The following FAM20C variants were observed in gnomAD, a reference collection of about 807,000 sequenced individuals.
FAM20C encodes FAM20C golgi associated secretory pathway kinase.
Under a neutral mutation model 51.5 loss-of-function variants are expected in FAM20C, and 40 were observed. The ratio of observed to expected loss-of-function variants is 0.78; its 90% CI spans 0.60 to 1.01. The LOEUF is 1.01. Among genes scored for constraint, FAM20C ranks in the 50% least tolerant of loss-of-function variants. The probability of loss-of-function intolerance (pLI) is 0.00; values close to 1 mark genes in which losing one functional copy is unlikely to be tolerated. For missense variants in FAM20C, 861 were observed against 844.7 expected (o/e 1.02, Z -0.24); for synonymous variants, 406 against 380.6 (o/e 1.07, Z -0.78).
At chr7:195,420 C>T in intron 1 of FAM20C, 134 bp from the exon 2 acceptor site, 1 of 797,782 alleles carries the variant, frequency 1.3e-6, no homozygotes. Flanking sequence ...CCTCTTTAAG[C>T]AGAGGCGCCT....
chr7:192,651 AC>A lies in FAM20C; in HGVS notation c.-545del, dbSNP rs1311130125. Among the ~76,000 whole-genome samples, 3 of 120,658 alleles carry A rather than the reference AC, an allele frequency of 2.5e-5. No homozygotes were observed. Among genetic ancestry groups the A allele is most frequent in the Admixed American group, 7.6e-5 (1 of 13,220 alleles). The allele number at this position is 120,658 out of a possible 152,430, so 79.2% of individuals were successfully genotyped here. ...ACCCCGCCGGCCGCTCCCCGCGCCC[AC>A]CCCTTCCGCCCTTCGCCCCCCCCTT... On this transcript the variant is annotated 5_prime_UTR_variant, in exon 1 of 10. Transcript: ENST00000313766.
chr7:242,915 C>T (rs1787994231), intron 3 of FAM20C, among the ~76,000 whole-genome samples: 1 of 152,188 alleles, frequency 6.6e-6, no homozygotes, highest in Non-Finnish European at 1.5e-5. Flanking sequence ...AGGGCGAGAA[C>T]AGCTGCCCCC....
At chr7:254,409 T>C (rs1483823806) in intron 5 of FAM20C, among the ~76,000 whole-genome samples, 3 of 152,218 alleles carry the variant, frequency 2.0e-5, no homozygotes, top group Admixed American at 6.5e-5. Flanking sequence ...AACCACGTTC[T>C]CACCAGTTCT....
chr7:223,896 C>A (rs956844617), intron 3 of FAM20C, among the ~76,000 whole-genome samples: 4 of 152,320 alleles, frequency 2.6e-5, no homozygotes, highest in African/African-American at 9.6e-5. Context: ...CACAGAAGGA[C>A]GAGGAGGCTG....
At chr7:196,961 C>T (rs891385337) in intron 2 of FAM20C, among the ~76,000 whole-genome samples, 3 of 152,172 alleles carry the variant, frequency 2.0e-5, no homozygotes, top group African/African-American at 4.8e-5. Context: ...GGCCCCCCTC[C>T]GTGAAAGCGC....
At chr7:228,787 C>T in intron 3 of FAM20C, 1 of 456,222 alleles carries the variant, frequency 2.2e-6, no homozygotes, top group South Asian at 1.5e-5. Flanking sequence ...TCTCACGGCT[C>T]CTGCTGACGG....
intron 3 of FAM20C, among the ~76,000 whole-genome samples, chr7:220,892 G>T (rs1027532103): frequency 6.6e-6 from 1 of 152,216 alleles, no homozygotes; most frequent in Admixed American, 6.5e-5. Context: ...AGCCCGGATG[G>T]TGGGCCCAGG....
chr7:207,051 T>C (rs1206234430), intron 2 of FAM20C, among the ~76,000 whole-genome samples: 13 of 36,964 alleles, frequency 3.5e-4, no homozygotes, highest in East Asian at 1.6e-3. Context: ...TCGGTCACTG[T>C]CCCCTCGGCC....
At chr7:211,036 G>C (rs1274384002) in intron 3 of FAM20C, among the ~76,000 whole-genome samples, 1 of 151,974 alleles carries the variant, frequency 6.6e-6, no homozygotes, top group Non-Finnish European at 1.5e-5. Context: ...TTTAGAGAAG[G>C]AAAGTAGAGA....
chr7:211,099 C>T (rs1187284101), intron 3 of FAM20C, among the ~76,000 whole-genome samples: 2 of 151,308 alleles, frequency 1.3e-5, no homozygotes, highest in African/African-American at 4.9e-5. Flanking sequence ...CGCGACCTAC[C>T]CTCCGCCTCC....
chr7:217,303 A>G (rs1787028675), intron 3 of FAM20C, among the ~76,000 whole-genome samples: 2 of 28,610 alleles, frequency 7.0e-5, no homozygotes, highest in South Asian at 1.2e-3. Context: ...AGGCTTGCCC[A>G]GGCCCCTCCT....
At chr7:213,336 C>T (rs371944607) in intron 3 of FAM20C, among the ~76,000 whole-genome samples, 1 of 151,124 alleles carries the variant, frequency 6.6e-6, no homozygotes, top group African/African-American at 2.4e-5. Flanking sequence ...TTCCAAGGCT[C>T]TGGAGTCCTG....
chr7:230,375 G>T (rs997487280), intron 3 of FAM20C, among the ~76,000 whole-genome samples: 1 of 102,124 alleles, frequency 9.8e-6, no homozygotes, highest in African/African-American at 3.7e-5. Context: ...GACGGGGTGG[G>T]GGGGGGGGGG....
intron 3 of FAM20C, among the ~76,000 whole-genome samples, chr7:242,753 G>T (rs147635633): frequency 0.011 from 1,677 of 152,252 alleles, 9 homozygotes; most frequent in Non-Finnish European, 0.017. Flanking sequence ...TGTGGCCACT[G>T]GCTGCCGAGT....
At chr7:195,475 C>T (rs1018160871) in intron 1 of FAM20C, 79 bp from the exon 2 acceptor site, 108 of 1,295,604 alleles carry the variant, frequency 8.3e-5, no homozygotes, top group African/African-American at 2.6e-4. Flanking sequence ...AAAACACTGG[C>T]GTCGGTGCCC....
At position 206,899 on chromosome 7, in the gene FAM20C, C is replaced by G. The variant is rs62430284; in HGVS notation, c.785-1999C>G. 5.7e-3 allele frequency among the ~76,000 whole-genome samples: 180 copies of G among 31,706 alleles called. 14 individuals are homozygous for G. The highest frequency in any genetic ancestry group is 0.01 in the South Asian group (8 of 788). 20.8% of individuals were successfully genotyped at this position (31,706 alleles called of 152,430 possible). Reference sequence around the variant, plus strand: ...GGCCCCGCACACGTGTCCACTGTGACGCGTCGGTCACTGTCCCCTCGGCCC... The same window carrying G: ...GGCCCCGCACACGTGTCCACTGTGAGGCGTCGGTCACTGTCCCCTCGGCCC... On this transcript the variant is annotated intron_variant, in intron 2 of 9. Coordinates refer to ENST00000313766, the MANE Select transcript of FAM20C (RefSeq NM_020223.4).
At chr7:251,986 A>T (rs796637918) in intron 5 of FAM20C, among the ~76,000 whole-genome samples, 10 of 152,310 alleles carry the variant, frequency 6.6e-5, no homozygotes, top group African/African-American at 2.2e-4. Context: ...CTGCCCTGTC[A>T]GTCCGATTTC....
chr7:252,054 C>T (rs936074215), intron 5 of FAM20C, among the ~76,000 whole-genome samples: 2 of 152,134 alleles, frequency 1.3e-5, no homozygotes, highest in East Asian at 1.9e-4. Flanking sequence ...CCCAGGAGCC[C>T]GGATTCCTCT....
intron 2 of FAM20C, among the ~76,000 whole-genome samples, chr7:199,133 T>C (rs1222875272): frequency 6.6e-6 from 1 of 152,222 alleles, no homozygotes; most frequent in Non-Finnish European, 1.5e-5. Context: ...GCTGACCTGC[T>C]TGCTGACCCC....
Sources: gnomAD v4.1 joint callset for allele counts (sites outside exome capture counted in the v4.1 genomes callset) on GRCh38, gnomAD v4.1.1 for gene constraint, MANE v1.5 for transcripts, NCBI Gene and HGNC (gene_info 2026-07-23, HGNC 2026-07-21) for gene names.